The following BRD10 variants were observed in gnomAD, a reference collection of about 807,000 sequenced individuals.
BRD10 encodes the protein bromodomain containing 10.
At chr9:5,991,603 T>C in the BRD10 span, among the ~76,000 whole-genome samples, 1 of 151,542 alleles carries the variant, frequency 6.6e-6, no homozygotes, top group African/African-American at 2.4e-5. Flanking sequence ...CGTGCACCTG[T>C]AGTCCAAGCT....
chr9:5,938,966 G>A, the BRD10 span, among the ~76,000 whole-genome samples: 1 of 152,028 alleles, frequency 6.6e-6, no homozygotes, highest in Non-Finnish European at 1.5e-5. Flanking sequence ...TTATACTGTA[G>A]TACAACAGAT....
chr9:5,928,350 C>T, the BRD10 span, among the ~76,000 whole-genome samples: 1 of 152,138 alleles, frequency 6.6e-6, no homozygotes, highest in African/African-American at 2.4e-5. Context: ...TTACATTTAT[C>T]TCCACCCAAC....
the BRD10 span, among the ~76,000 whole-genome samples, chr9:5,954,267 T>C: frequency 1.3e-5 from 2 of 152,242 alleles, no homozygotes; most frequent in African/African-American, 4.8e-5. Context: ...CATTAAACTA[T>C]TAACTACCTG....
chr9:5,923,202 G>A, the BRD10 span: 1 of 1,613,990 alleles, frequency 6.2e-7, no homozygotes, highest in South Asian at 1.1e-5. Context: ...TTGGACTGTC[G>A]TTTAAGTGTT....
the BRD10 span, chr9:5,968,057 A>T: frequency 6.5e-7 from 1 of 1,539,418 alleles, no homozygotes; most frequent in Non-Finnish European, 8.7e-7. Flanking sequence ...TTTTTTGATG[A>T]TCAATAACTT....
At chr9:5,977,108 G>A in the BRD10 span, among the ~76,000 whole-genome samples, 1 of 152,214 alleles carries the variant, frequency 6.6e-6, no homozygotes, top group Non-Finnish European at 1.5e-5. Flanking sequence ...GTCAGTATAA[G>A]AGACAGAAAC....
At chr9:5,950,723 G>C in the BRD10 span, among the ~76,000 whole-genome samples, 1 of 152,078 alleles carries the variant, frequency 6.6e-6, no homozygotes, top group Non-Finnish European at 1.5e-5. Flanking sequence ...CGGTATCCGT[G>C]GGGTACTGGT....
chr9:5,903,334 T>C, the BRD10 span, among the ~76,000 whole-genome samples: 1 of 152,216 alleles, frequency 6.6e-6, no homozygotes, highest in Admixed American at 6.5e-5. Flanking sequence ...CTATTATATC[T>C]AGTTAATCGA....
the BRD10 span, among the ~76,000 whole-genome samples, chr9:6,003,278 T>A: frequency 5.3e-5 from 8 of 152,226 alleles, no homozygotes; most frequent in African/African-American, 9.7e-5. Flanking sequence ...GAAAAAGCCA[T>A]CTTCAGCCTA....
chr9:5,890,270 T>C, the BRD10 span, among the ~76,000 whole-genome samples: 139,218 of 152,290 alleles, frequency 0.91, 63,867 homozygotes, highest in Non-Finnish European at 0.95. Flanking sequence ...GAAAAACAAA[T>C]GTGGATTTCA....
chr9:5,983,899 C>A, the BRD10 span, among the ~76,000 whole-genome samples: 1 of 149,584 alleles, frequency 6.7e-6, no homozygotes, highest in East Asian at 2.0e-4. Flanking sequence ...TAGTAAAACA[C>A]GTCATACTTA....
chr9:5,991,314 C>G, the BRD10 span, among the ~76,000 whole-genome samples: 1 of 152,042 alleles, frequency 6.6e-6, no homozygotes, highest in Non-Finnish European at 1.5e-5. Context: ...TGTCTGTACA[C>G]GCATGAGTTC....
At chr9:5,938,832 A>G in the BRD10 span, among the ~76,000 whole-genome samples, 1 of 152,204 alleles carries the variant, frequency 6.6e-6, no homozygotes, top group Non-Finnish European at 1.5e-5. Context: ...TATCGTACAC[A>G]TGATGTGACT....
At chr9:5,997,369 G>A in the BRD10 span, among the ~76,000 whole-genome samples, 1 of 152,026 alleles carries the variant, frequency 6.6e-6, no homozygotes, top group African/African-American at 2.4e-5. Context: ...CATGGGTGAT[G>A]CAAATGTTGC....
At chr9:5,929,153 A>AT in the BRD10 span, 1 of 1,519,946 alleles carries the variant, frequency 6.6e-7, no homozygotes, top group Non-Finnish European at 9.1e-7. Flanking sequence ...CGATGATACC[A>AT]TTTTCCCTAA....
the BRD10 span, chr9:5,920,941 A>G: frequency 1.2e-6 from 2 of 1,614,002 alleles, no homozygotes; most frequent in Non-Finnish European, 1.7e-6. Flanking sequence ...AAGAGGTATC[A>G]TTTCCACTGA....
the BRD10 span, among the ~76,000 whole-genome samples, chr9:5,994,325 T>C: frequency 1.3e-5 from 2 of 152,206 alleles, no homozygotes; most frequent in Admixed American, 6.5e-5. Context: ...TTCAAAATGT[T>C]TGCTGCTTGA....
the BRD10 span, among the ~76,000 whole-genome samples, chr9:5,978,518 G>C: frequency 6.6e-6 from 1 of 151,590 alleles, no homozygotes; most frequent in Admixed American, 6.6e-5. Context: ...TTATATTTTA[G>C]AAAAATTAAC....
the BRD10 span, among the ~76,000 whole-genome samples, chr9:5,938,492 A>G: frequency 6.6e-6 from 1 of 152,146 alleles, no homozygotes; most frequent in Non-Finnish European, 1.5e-5. Context: ...ATTTTAACCC[A>G]CAGGTTGAGG....
Sources: allele counts gnomAD v4.1 joint callset (sites outside exome capture counted in the v4.1 genomes callset), GRCh38; gene constraint gnomAD v4.1.1; transcripts MANE v1.5; gene names NCBI Gene and HGNC (gene_info 2026-07-23, HGNC 2026-07-21).